Variants in BCKDHA observed in about 807,000 individuals in gnomAD.
BCKDHA encodes the protein branched chain keto acid dehydrogenase E1 subunit alpha, also known as 2-oxoisovalerate dehydrogenase subunit alpha, mitochondrial.
Under a neutral mutation model 52.2 loss-of-function variants are expected in BCKDHA, and 43 were observed. The ratio of observed to expected loss-of-function variants is 0.82; its 90% CI spans 0.64 to 1.06. The LOEUF is 1.06. BCKDHA is among the 50% of genes least tolerant of loss of function. The pLI is 0.00. For missense variants in BCKDHA, 527 were observed against 621.3 expected, an observed-to-expected ratio of 0.85 and a Z score of 1.61; for synonymous variants, 234 against 247.9, an observed-to-expected ratio of 0.94 and a Z score of 0.53.
chr19:41,414,840 C>G (rs1392775285), intron 4 of BCKDHA, among the ~76,000 whole-genome samples: 4 of 152,140 alleles, frequency 2.6e-5, no homozygotes, highest in African/African-American at 9.7e-5. Context: ...TCAGCGAGCA[C>G]TGATAGGGCC....
At chr19:41,405,734 T>G (rs1402087771) in intron 1 of BCKDHA, among the ~76,000 whole-genome samples, 1 of 152,144 alleles carries the variant, frequency 6.6e-6, no homozygotes. Context: ...TCAGGGAGTT[T>G]AAGTCACATA....
chr19:41,404,564 C>T, intron 1 of BCKDHA, among the ~76,000 whole-genome samples: 1 of 151,738 alleles, frequency 6.6e-6, no homozygotes, highest in East Asian at 1.9e-4. Context: ...GCTGGGATTA[C>T]AGGCGTGAGC....
At chr19:41,419,746 CTTTTTTT>C (rs201343587) in intron 5 of BCKDHA, among the ~76,000 whole-genome samples, 1 of 127,850 alleles carries the variant, frequency 7.8e-6, no homozygotes, top group South Asian at 2.7e-4. Flanking sequence ...GCCCAGCCCA[CTTTTTTT>C]TTTTTTTTTT....
chr19:41,406,921 ACTCACTATGTTGCCTAGGCTGAT>A (rs2039199734), intron 1 of BCKDHA, among the ~76,000 whole-genome samples: 1 of 151,284 alleles, frequency 6.6e-6, no homozygotes, highest in Non-Finnish European at 1.5e-5. Context: ...CCTAGGCTGG[ACTCACTATGTTGCCTAGGCTGAT>A]CTCGAACCAC....
rs909589674 is a variant in BCKDHA at position 41,397,852 on chromosome 19, A to G, written c.25A>G (p.Arg9Gly). 1.2e-6 allele frequency: 2 copies of G among 1,614,150 alleles called. No individual in the cohort carries two copies. The highest frequency in any genetic ancestry group is 2.2e-5 in the East Asian group (1 of 44,880). The change falls in exon 1 of 9, where the codon AGG becomes GGG. Residue 9 changes from arginine (R) to glycine (G), a missense_variant. Transcript: ENST00000269980. Reference protein sequence around the residue: MAVAIAAARVWRLNRGLSQ... With the variant: MAVAIAAAGVWRLNRGLSQ... ...GATGGCGGTAGCGATCGCTGCAGCGAGGGTCTGGCGGCTAAACCGTGGTTT... is the reference window on the plus strand; with the variant it reads ...GATGGCGGTAGCGATCGCTGCAGCGGGGGTCTGGCGGCTAAACCGTGGTTT...
chr19:41,409,293 T>C lies in BCKDHA; in HGVS notation c.109-1344T>C, dbSNP rs186622500. ...CTGCCTCCTGGTTATCCCTCAGGTT[T>C]CAGCTCTAACATCACTTCCCCAGGG... On this transcript the variant is annotated intron_variant, in intron 1 of 8. Transcript: ENST00000269980. Among the ~76,000 whole-genome samples the C allele has an allele frequency of 4.6e-5, 7 of 152,294 alleles. No individual in the cohort carries two copies. In the East Asian group the frequency reaches 1.4e-3, roughly 29 times the overall value.
At chr19:41,400,118 G>A (rs761829396) in intron 1 of BCKDHA, among the ~76,000 whole-genome samples, 1 of 151,900 alleles carries the variant, frequency 6.6e-6, no homozygotes, top group African/African-American at 2.4e-5. Context: ...GCTGGAGTGA[G>A]TGCAGTGGTG....
At chr19:41,408,703 C>T (rs2123250696) in intron 1 of BCKDHA, among the ~76,000 whole-genome samples, 1 of 151,990 alleles carries the variant, frequency 6.6e-6, no homozygotes, top group East Asian at 1.9e-4. Flanking sequence ...CTGCAGCCTC[C>T]ACCTCCTGGG....
Position 41,424,405 on chromosome 19 carries a change from G to A in BCKDHA, c.1168-33G>A, listed in dbSNP as rs398123488. The A allele has an allele frequency of 4.3e-6, 7 of 1,612,820 alleles. No homozygotes were observed. Among genetic ancestry groups the A allele is most frequent in the South Asian group, 2.2e-5 (2 of 91,072 alleles). ...GAAGCAGGGTCCTGCATGGGAGGCC[G>A]GCTAGCCTGCCCACTGCCCCATGTC... On this transcript the variant is annotated intron_variant, in intron 8 of 8. Transcript: ENST00000269980.
At chr19:41,410,217 T>G (rs187821720) in intron 1 of BCKDHA, among the ~76,000 whole-genome samples, 2 of 152,194 alleles carry the variant, frequency 1.3e-5, no homozygotes, top group Admixed American at 1.3e-4. Flanking sequence ...CATGTGTGTC[T>G]GTGGTCACAG....
At chr19:41,410,217 T>C (rs187821720) in intron 1 of BCKDHA, among the ~76,000 whole-genome samples, 2 of 152,312 alleles carry the variant, frequency 1.3e-5, no homozygotes, top group Admixed American at 1.3e-4. Flanking sequence ...CATGTGTGTC[T>C]GTGGTCACAG....
intron 1 of BCKDHA, among the ~76,000 whole-genome samples, chr19:41,403,708 A>G (rs2039161702): frequency 6.6e-6 from 1 of 152,180 alleles, no homozygotes; most frequent in South Asian, 2.1e-4. Context: ...CATTCCTGCC[A>G]GAGCTGCGGC....
At chr19:41,409,253 G>A (rs191396652) in intron 1 of BCKDHA, among the ~76,000 whole-genome samples, 3 of 152,240 alleles carry the variant, frequency 2.0e-5, no homozygotes, top group Admixed American at 2.0e-4. Flanking sequence ...ACACCTTGCC[G>A]AGAATGTGCT....
rs747930831 is a variant in BCKDHA at position 41,422,910 on chromosome 19, C to T, written c.996-88C>T. On this transcript the variant is annotated intron_variant, in intron 7 of 8. Coordinates refer to ENST00000269980, the MANE Select transcript of BCKDHA (RefSeq NM_000709.4). ...CCCTTGCCTTTATTCCGTTTCCACT[C>T]CTCCTTCCCTAGTTCATCCCCCATC... The T allele has an allele frequency of 3.2e-6, 5 of 1,570,704 alleles. No individual in the cohort carries two copies. In the Admixed American group the frequency reaches 9.3e-5, roughly 29 times the overall value.
intron 4 of BCKDHA, chr19:41,418,630 G>A (rs529657713): frequency 6.1e-5 from 24 of 394,600 alleles, no homozygotes; most frequent in South Asian, 4.5e-4. Flanking sequence ...CTTCTGGGCT[G>A]AAGCAATCCT....
rs372395303 is a variant in BCKDHA at position 41,414,169 on chromosome 19, C to T, written c.484+12C>T. The T allele has an allele frequency of 9.9e-6, 16 of 1,611,642 alleles. No homozygotes were observed. Among genetic ancestry groups the T allele is most frequent in the Admixed American group, 3.3e-5 (2 of 59,980 alleles). On this transcript the variant is annotated intron_variant, in intron 4 of 8. Coordinates refer to ENST00000269980, the MANE Select transcript of BCKDHA (RefSeq NM_000709.4). ...GTACCGGGAGGCAGGTACGTCTGTC[C>T]GTGGTTTGGCCCTGTGGTCCCCATT... is the stretch of plus-strand genomic sequence containing the variant.
intron 4 of BCKDHA, among the ~76,000 whole-genome samples, chr19:41,415,957 T>G (rs1333728206): frequency 6.6e-6 from 1 of 150,666 alleles, no homozygotes; most frequent in Non-Finnish European, 1.5e-5. Context: ...TTTTTTTTTT[T>G]TTTTGAGGTG....
At position 41,398,321 on chromosome 19, in the gene BCKDHA, C is replaced by T. The variant is rs150752689; in HGVS notation, c.108+386C>T. Among the ~76,000 whole-genome samples, 13 of 152,270 alleles carry T rather than the reference C, an allele frequency of 8.5e-5. No homozygotes were observed. The East Asian group carries it at 2.3e-3, about 27-fold the overall frequency. ...ACTGACTTTGTAAGGGAGGGACTTT[C>T]TTCTGGGCAAAGATCCCTCTTCAAG... On this transcript the variant is annotated intron_variant, in intron 1 of 8. Transcript: ENST00000269980.
At chr19:41,410,520 G>T in intron 1 of BCKDHA, 117 bp from the exon 2 acceptor site, 1 of 1,178,932 alleles carries the variant, frequency 8.5e-7, no homozygotes, top group Non-Finnish European at 1.2e-6. Flanking sequence ...TCAGGCCCCA[G>T]AGTTCACTGG....
Sources: allele counts gnomAD v4.1 joint callset (sites outside exome capture counted in the v4.1 genomes callset), GRCh38; gene constraint gnomAD v4.1.1; transcripts MANE v1.5; gene names NCBI Gene and HGNC (gene_info 2026-07-23, HGNC 2026-07-21).